SPARC: variants seen among roughly 807,000 people sequenced by gnomAD.
SPARC encodes basement-membrane protein 40.
Under a neutral mutation model 37.7 loss-of-function variants are expected in SPARC, and 23 were observed. The ratio of observed to expected loss-of-function variants is 0.61; its 90% CI spans 0.44 to 0.87. The LOEUF (loss-of-function observed/expected upper bound fraction) is 0.87, where lower values mean the gene tolerates loss of function less well. Among genes scored for constraint, SPARC ranks in the 40% least tolerant of loss-of-function variants. The probability of loss-of-function intolerance (pLI) is 0.00; values close to 1 mark genes in which losing one functional copy is unlikely to be tolerated. For missense variants in SPARC, 312 were observed against 389.0 expected, an observed-to-expected ratio of 0.80 and a Z score of 1.66; for synonymous variants, 155 against 150.8, an observed-to-expected ratio of 1.03 and a Z score of -0.20.
intron 1 of SPARC, chr5:151,685,233 G>A (rs1761104768): frequency 1.3e-5 from 2 of 152,050 alleles, no homozygotes; most frequent in African/African-American, 4.8e-5. Flanking sequence ...TGATAGCTGA[G>A]AGTTAACTCT....
chr5:151,683,858 C>T (rs985255123), intron 1 of SPARC, among the ~76,000 whole-genome samples: 2 of 152,174 alleles, frequency 1.3e-5, no homozygotes, highest in African/African-American at 4.8e-5. Context: ...TAATGAGGCA[C>T]TTATTTTTAG....
At chr5:151,680,881 C>T (rs1197513742) in intron 1 of SPARC, among the ~76,000 whole-genome samples, 1 of 152,204 alleles carries the variant, frequency 6.6e-6, no homozygotes, top group Non-Finnish European at 1.5e-5. Flanking sequence ...CCCAGAATCT[C>T]CATCCCCCGA....
intron 9 of SPARC, among the ~76,000 whole-genome samples, 170 bp from the exon 10 acceptor site, chr5:151,663,769 C>CT (rs903780209): frequency 1.3e-5 from 2 of 152,212 alleles, no homozygotes; most frequent in African/African-American, 4.8e-5. Context: ...TGTCTCTGGC[C>CT]TGTCCCTGTC....
chr5:151,677,554 T>A (rs551657704), intron 1 of SPARC, among the ~76,000 whole-genome samples: 1 of 152,330 alleles, frequency 6.6e-6, no homozygotes, highest in Non-Finnish European at 1.5e-5. Flanking sequence ...ATCAAGTCTT[T>A]TGGTCTCTCT....
chr5:151,666,342 C>G lies in SPARC; in HGVS notation c.734+19G>C, dbSNP rs760561885. ...CTGCCAGCCTTGAGCTCTGTTCACTCTAGGGTCTGGGGTCTTACCCGTCAA... is the reference window on the plus strand; with the variant it reads ...CTGCCAGCCTTGAGCTCTGTTCACTGTAGGGTCTGGGGTCTTACCCGTCAA... On this transcript the variant is annotated intron_variant, in intron 8 of 9. Transcript: ENST00000231061. The G allele has an allele frequency of 1.2e-6, 2 of 1,611,182 alleles. No individual in the cohort carries two copies. The highest frequency in any genetic ancestry group is 1.7e-6 in the Non-Finnish European group (2 of 1,178,068).
intron 1 of SPARC, among the ~76,000 whole-genome samples, chr5:151,684,580 AC>A (rs1183373906): frequency 6.8e-6 from 1 of 146,036 alleles, no homozygotes; most frequent in Non-Finnish European, 1.5e-5. Context: ...TTCTATACAA[AC>A]CCCAAGATGA....
At position 151,661,099 on chromosome 5, in the gene SPARC, T is replaced by C. The variant is rs1213726008; in HGVS notation, c.*2472A>G. 1 of 152,262 alleles carries C rather than the reference T, an allele frequency of 6.6e-6. No homozygotes were observed. The highest frequency in any genetic ancestry group is 1.5e-5 in the Non-Finnish European group (1 of 68,062). The allele number at this position is 152,262 out of a possible 1,614,324, so 9.4% of individuals were successfully genotyped here. ...AAGGAGCACCCGGTCCAAGTCATTT[T>C]CCATGATAGTTCTCTGCTTTATTTC... On this transcript the variant is annotated 3_prime_UTR_variant, in exon 10 of 10. Transcript: ENST00000231061.
In SPARC at chr5:151,662,316, C is replaced by CATA. The variant is rs10623122; in HGVS notation, c.*1252_*1254dup. The CATA allele has an allele frequency of 0.7, 107,061 of 152,188 alleles. 38,765 individuals carry two copies. Among genetic ancestry groups the CATA allele is most frequent in the African/African-American group, 0.89 (36,702 of 41,392 alleles). The allele number at this position is 152,188 out of a possible 1,614,324, so 9.4% of individuals were successfully genotyped here. A position where few individuals can be genotyped will look rare whatever the true frequency, so the allele number is the denominator to read the frequency against. On this transcript the variant is annotated 3_prime_UTR_variant, in exon 10 of 10. Transcript: ENST00000231061. The stretch of plus-strand genomic sequence containing the variant: ...GTGTACAGGTGTGTGTGTGCAAAAG[C>CATA]ATAATGTGTTTGCAAAGGTTTGCAT...
At chr5:151,671,457 G>A in intron 5 of SPARC, 116 bp downstream of exon 5, 3 of 1,254,468 alleles carry the variant, frequency 2.4e-6, no homozygotes, top group African/African-American at 1.5e-5. Context: ...CTAGCAAGGG[G>A]ACTTCTGAGA....
rs768330469 is a variant in SPARC, at chr5:151,663,541, A to G, written c.*30T>C. ...GGAAACACGAAGGGGAGGGTTAAAGAGAGAATCCGGTACTGTGGAAGGAGT... is the reference window on the plus strand; with the variant it reads ...GGAAACACGAAGGGGAGGGTTAAAGGGAGAATCCGGTACTGTGGAAGGAGT... On this transcript the variant is annotated 3_prime_UTR_variant, in exon 10 of 10. Transcript: ENST00000231061. 6.2e-7 allele frequency: 1 copy of G among 1,608,390 alleles called. No individual in the cohort carries two copies. Among genetic ancestry groups the G allele is most frequent in the Non-Finnish European group, 8.5e-7 (1 of 1,174,936 alleles).
At position 151,664,125 on chromosome 5, in the gene SPARC, G is replaced by A. The variant is rs1413607113; in HGVS notation, c.845C>T (p.Ala282Val). The A allele has an allele frequency of 6.2e-7, 1 of 1,614,188 alleles. No individual in the cohort carries two copies. Among genetic ancestry groups the A allele is most frequent in the East Asian group, 2.2e-5 (1 of 44,882 alleles). ...TCDLDNDKYIALDEWAGCFGI... is the reference protein window; with the variant it reads ...TCDLDNDKYIVLDEWAGCFGI... ...GAAGCAGCCGGCCCACTCATCCAGG[G>A]CGATGTACTTGTCATTGTCCAGGTC... The change falls in exon 9 of 10, where the codon GCC becomes GTC. Residue 282 changes from alanine to valine, a missense_variant. Physicochemically the swap from Ala to Val is moderately conservative, Grantham distance 64 (BLOSUM62 0). Coordinates refer to ENST00000231061, the MANE Select transcript of SPARC (RefSeq NM_003118.4).
At chr5:151,673,454 A>T (rs1300877636) in intron 3 of SPARC, among the ~76,000 whole-genome samples, 1 of 152,146 alleles carries the variant, frequency 6.6e-6, no homozygotes, top group South Asian at 2.1e-4. Context: ...CCCCAAAATC[A>T]CTAAGCTAAG....
chr5:151,672,912 C>T, intron 4 of SPARC: 1 of 560,542 alleles, frequency 1.8e-6, no homozygotes, highest in Non-Finnish European at 3.2e-6. Flanking sequence ...TCCTACCACA[C>T]ACATGGATGG....
In SPARC at chr5:151,676,213, A is replaced by G. The variant is rs770681774; in HGVS notation, c.-13-12T>C. 5 of 1,593,708 alleles carry G rather than the reference A, an allele frequency of 3.1e-6. No individual in the cohort carries two copies. In the African/African-American group the frequency reaches 5.4e-5, roughly 17 times the overall value. On this transcript the variant is annotated splice_polypyrimidine_tract_variant and intron_variant, in intron 1 of 9. Coordinates refer to ENST00000231061, the MANE Select transcript of SPARC (RefSeq NM_003118.4). ...TGGTGCTGGGAACCCTATGGGGAGG[A>G]GAGATTGAGAGTTCAGTGAGGGTGA...
chr5:151,667,650 C>A, intron 6 of SPARC, 50 bp from the exon 7 acceptor site: 1 of 1,592,062 alleles, frequency 6.3e-7, no homozygotes, highest in Non-Finnish European at 8.6e-7. Context: ...CTGGGCCGTG[C>A]TCCCCACCCC....
chr5:151,671,642 C>T lies in SPARC; in HGVS notation c.261G>A (p.Glu87=), dbSNP rs62636583. ...GGCACACGCACATGGGGGTGTTGTT[C>T]TCATCCAGCTCGCACACCTTGCCGT... ...CKHGKVCELD[E]NNTPMCVCQD... Residue 87 remains glutamate (E), a synonymous_variant, in exon 5 of 10, where the codon GAG becomes GAA. Transcript: ENST00000231061. 6.2e-7 allele frequency: 1 copy of T among 1,611,766 alleles called. No individual in the cohort carries two copies. The highest frequency in any genetic ancestry group is 1.7e-5 in the Admixed American group (1 of 59,828).
Position 151,682,283 on chromosome 5 carries a change from T to A in SPARC, c.-14+4582A>T, listed in dbSNP as rs1164436427. 2.0e-5 allele frequency among the ~76,000 whole-genome samples: 3 copies of A among 152,148 alleles called. No individual in the cohort carries two copies. In the East Asian group the frequency reaches 5.8e-4, roughly 29 times the overall value. ...ATCAGCCCGAGATTCCATAAAGACA[T>A]CTGAGATGCCACATTTCACTGTGGC... On this transcript the variant is annotated intron_variant, in intron 1 of 9. Transcript: ENST00000231061.
At chr5:151,683,080 G>A (rs1761033644) in intron 1 of SPARC, among the ~76,000 whole-genome samples, 1 of 141,106 alleles carries the variant, frequency 7.1e-6, no homozygotes, top group Admixed American at 7.0e-5. Context: ...CCTGGGTTCA[G>A]GATTGAGGTT....
intron 2 of SPARC, among the ~76,000 whole-genome samples, chr5:151,675,323 GC>G (rs1760832488): frequency 6.6e-6 from 1 of 152,088 alleles, no homozygotes; most frequent in South Asian, 2.1e-4. Context: ...TGCACTTTTT[GC>G]CTGCCCTGTT....
Sources: gnomAD v4.1 joint callset for allele counts (sites outside exome capture counted in the v4.1 genomes callset) on GRCh38, gnomAD v4.1.1 for gene constraint, MANE v1.5 for transcripts, NCBI Gene and HGNC (gene_info 2026-07-23, HGNC 2026-07-21) for gene names.